The following COLQ variants were observed in gnomAD, a reference collection of about 807,000 sequenced individuals.
The protein encoded by COLQ is collagen like tail subunit of asymmetric acetylcholinesterase.
In COLQ, 48 loss-of-function variants were observed where a neutral mutation model predicts 69.0. The ratio of observed to expected loss-of-function variants is 0.70; its 90% confidence interval spans 0.55 to 0.88. The LOEUF (loss-of-function observed/expected upper bound fraction) is 0.88, where lower values mean the gene tolerates loss of function less well. Ranked by LOEUF, COLQ falls within the 40% of genes least tolerant of loss-of-function variation. COLQ has a pLI of 0.00. For missense variants in COLQ, 618 were observed against 594.6 expected (o/e 1.04, Z -0.41); for synonymous variants, 217 against 211.2 (o/e 1.03, Z -0.24).
chr3:15,461,312 T>C (rs1304503485), intron 12 of COLQ, among the ~76,000 whole-genome samples: 2 of 151,262 alleles, frequency 1.3e-5, no homozygotes, highest in Non-Finnish European at 2.9e-5. Flanking sequence ...CGAGGTCACC[T>C]CCCAACAGGA....
At chr3:15,490,102 A>G (rs964224877) in intron 1 of COLQ, among the ~76,000 whole-genome samples, 2 of 152,320 alleles carry the variant, frequency 1.3e-5, no homozygotes, top group South Asian at 4.1e-4. Flanking sequence ...GATTTAAAAC[A>G]CATACATTGA....
chr3:15,499,030 G>A (rs1269364023), intron 1 of COLQ, among the ~76,000 whole-genome samples: 2 of 151,562 alleles, frequency 1.3e-5, no homozygotes, highest in African/African-American at 2.4e-5. Flanking sequence ...ACCCCCCACC[G>A]AGACCGTCCA....
chr3:15,496,450 G>A (rs2062747436), intron 1 of COLQ: 1 of 155,394 alleles, frequency 6.4e-6, no homozygotes, highest in Non-Finnish European at 1.5e-5. Flanking sequence ...GGTGTCATCC[G>A]AGTGGCCTGT....
chr3:15,514,193 T>C (rs1042053709), intron 1 of COLQ, among the ~76,000 whole-genome samples: 7 of 152,150 alleles, frequency 4.6e-5, no homozygotes, highest in East Asian at 1.9e-4. Flanking sequence ...AGAACCATAA[T>C]AGATGTGTGC....
intron 1 of COLQ, among the ~76,000 whole-genome samples, chr3:15,513,408 A>G (rs1294494388): frequency 6.6e-6 from 1 of 152,174 alleles, no homozygotes; most frequent in Non-Finnish European, 1.5e-5. Context: ...TCTTGTGTCT[A>G]TGCCAGAGCG....
intron 12 of COLQ, 47 bp from the exon 13 acceptor site, chr3:15,458,372 AC>A: frequency 6.2e-7 from 1 of 1,611,264 alleles, no homozygotes; most frequent in South Asian, 1.1e-5. Flanking sequence ...GGAAGAGAAG[AC>A]CAAACAACCA....
rs186733948 is a variant in COLQ at position 15,482,857 on chromosome 3, G to T, written c.322-3475C>A. Among the ~76,000 whole-genome samples, 731 of 152,236 alleles carry T rather than the reference G, an allele frequency of 4.8e-3. 7 individuals carry two copies. Among genetic ancestry groups the T allele is most frequent in the African/African-American group, 0.017 (696 of 41,522 alleles). On this transcript the variant is annotated intron_variant, in intron 3 of 16. Transcript: ENST00000383788. ...TCTGGTCCTGGACTTTTTTTGGTTG[G>T]TAGGCTATTAATTATTGCCTCAATT... is the stretch of plus-strand genomic sequence containing the variant.
At position 15,489,552 on chromosome 3, in the gene COLQ, T is replaced by C; in HGVS notation, c.192A>G (p.Pro64=). The change falls in exon 2 of 17, where the codon CCA becomes CCG. Residue 64 remains proline (P), a synonymous_variant. Coordinates refer to ENST00000383788, the MANE Select transcript of COLQ (RefSeq NM_005677.4). ...GACTTCGGCCACCTCTGAAGAATGG[T>C]GGTGGGAACAGTGGTGGTGGAGGAG... ...LTPPPPPLFP[P]PFFRGGRSPL... 6.2e-7 allele frequency: 1 copy of C among 1,614,132 alleles called. No individual in the cohort carries two copies. The highest frequency in any genetic ancestry group is 8.5e-7 in the Non-Finnish European group (1 of 1,180,014).
chr3:15,498,071 C>A (rs146149957), intron 1 of COLQ, among the ~76,000 whole-genome samples: 3 of 152,172 alleles, frequency 2.0e-5, no homozygotes, highest in Non-Finnish European at 2.9e-5. Context: ...TTACCCAAGG[C>A]AGTCCACTCA....
chr3:15,475,496 A>C lies in COLQ; in HGVS notation c.466-9T>G, dbSNP rs930607699. On this transcript the variant is annotated splice_polypyrimidine_tract_variant and intron_variant, in intron 6 of 16. Transcript: ENST00000383788. ...AGGTCACCTTTTTCACCCTGTGGGA[A>C]TTAGAAGAAGAAAAGACCCACGGTG... The C allele has an allele frequency of 2.5e-6, 4 of 1,588,552 alleles. No individual in the cohort carries two copies. Among genetic ancestry groups the C allele is most frequent in the African/African-American group, 1.3e-5 (1 of 74,576 alleles).
intron 1 of COLQ, among the ~76,000 whole-genome samples, chr3:15,518,981 T>A (rs1319459882): frequency 6.6e-6 from 1 of 152,240 alleles, no homozygotes. Context: ...GAATATAGAA[T>A]ATTTTATATC....
chr3:15,468,995 G>A (rs568615127), intron 11 of COLQ, among the ~76,000 whole-genome samples: 69 of 152,322 alleles, frequency 4.5e-4, no homozygotes, highest in African/African-American at 1.6e-3. Context: ...AACAAACAAA[G>A]AGTATGTAAG....
chr3:15,514,809 C>T (rs2063036457), intron 1 of COLQ, among the ~76,000 whole-genome samples: 1 of 152,208 alleles, frequency 6.6e-6, no homozygotes. Context: ...TAAGAGCAGA[C>T]TTGGTGAGCT....
At chr3:15,471,334 C>T (rs1053940034) in intron 10 of COLQ, among the ~76,000 whole-genome samples, 5 of 152,202 alleles carry the variant, frequency 3.3e-5, no homozygotes, top group Admixed American at 6.5e-5. Context: ...ACTATCAAAA[C>T]CCAATGTACC....
chr3:15,461,267 C>G (rs2062108653), intron 12 of COLQ, among the ~76,000 whole-genome samples: 1 of 151,874 alleles, frequency 6.6e-6, no homozygotes, highest in East Asian at 1.9e-4. Context: ...CCTCCCCCAG[C>G]ACCATCTGGT....
At chr3:15,477,274 GC>G in intron 5 of COLQ, 77 bp from the exon 6 acceptor site, 1 of 1,344,816 alleles carries the variant, frequency 7.4e-7, no homozygotes, top group South Asian at 1.3e-5. Context: ...TGTCTCTGGG[GC>G]CCAGAGGAGA....
chr3:15,491,694 T>C (rs1047466429), intron 1 of COLQ, among the ~76,000 whole-genome samples: 6 of 152,220 alleles, frequency 3.9e-5, no homozygotes, highest in Non-Finnish European at 7.3e-5. Flanking sequence ...TCACAAATAG[T>C]ACAGCACGCT....
chr3:15,513,207 C>T (rs1376735426), intron 1 of COLQ, among the ~76,000 whole-genome samples: 1 of 152,112 alleles, frequency 6.6e-6, no homozygotes, highest in Non-Finnish European at 1.5e-5. Context: ...TTCTGCATCC[C>T]GACAGGGAAG....
chr3:15,484,172 C>T (rs2062536829), intron 3 of COLQ, among the ~76,000 whole-genome samples: 1 of 144,052 alleles, frequency 6.9e-6, no homozygotes, highest in Non-Finnish European at 1.5e-5. Flanking sequence ...ATCCAATTTG[C>T]CAGTCTGTGT....
Sources: gnomAD v4.1 joint callset for allele counts (sites outside exome capture counted in the v4.1 genomes callset) on GRCh38, gnomAD v4.1.1 for gene constraint, MANE v1.5 for transcripts, NCBI Gene and HGNC (gene_info 2026-07-23, HGNC 2026-07-21) for gene names.